Variants in HMHB1 observed in about 807,000 individuals in gnomAD.
HMHB1 encodes the protein minor histocompatibility protein HB-1.
A neutral mutation model predicts 2.4 loss-of-function variants in HMHB1; 4 were observed. The ratio of observed to expected loss-of-function variants is 1.65; its 90% confidence interval spans 0.81 to 3.77. The LOEUF is 3.77. HMHB1 is among the 30% of genes most tolerant of loss of function. HMHB1 has a pLI of 0.01. For synonymous variants in HMHB1, 22 were observed against 17.6 expected (o/e 1.25, Z -0.63); for missense variants, 57 against 44.2 (o/e 1.29, Z -0.82).
rs73291482 is a variant in HMHB1, at chr5:143,818,966, G to A, written c.38-1514G>A. ...GACCTCAAAGTCAACAACTCAGCCA[G>A]GCTTTAGGAAATCACCTGAACTAGA... On this transcript the variant is annotated intron_variant, in intron 1 of 1. Coordinates refer to ENST00000289448, the MANE Select transcript of HMHB1 (RefSeq NM_021182.3). 2.1e-3 allele frequency among the ~76,000 whole-genome samples: 320 copies of A among 152,236 alleles called. 5 individuals are homozygous for A. Among genetic ancestry groups the A allele is most frequent in the African/African-American group, 7.3e-3 (303 of 41,530 alleles).
chr5:143,812,888 C>A (rs147663089), intron 1 of HMHB1, among the ~76,000 whole-genome samples: 1 of 152,330 alleles, frequency 6.6e-6, no homozygotes, highest in East Asian at 1.9e-4. Context: ...ACGATGGCTT[C>A]ATTCCTTAAC....
chr5:143,820,334 A>AAAAAAAAAAAAAAAAAAAAC, intron 1 of HMHB1, 146 bp from the exon 2 acceptor site: 1 of 331,898 alleles, frequency 3.0e-6, no homozygotes, highest in African/African-American at 2.7e-5. Context: ...AAAAAAAAAA[A>AAAAAAAAAAAAAAAAAAAAC]AAAAAAAAAA....
In HMHB1 at chr5:143,812,304, G is replaced by A. The variant is rs988565862; in HGVS notation, c.37G>A (p.Gly13Ser). 50 of 1,551,578 alleles carry A rather than the reference G, an allele frequency of 3.2e-5. No individual in the cohort carries two copies. Among genetic ancestry groups the A allele is most frequent in the African/African-American group, 4.1e-5 (3 of 73,016 alleles). Residue 13 changes from glycine to serine, a missense_variant and splice_region_variant, in exon 1 of 2, where the codon GGT (glycine) becomes AGT (serine). Gly to Ser is a moderately conservative substitution (Grantham distance 56). Transcript: ENST00000289448. Reference sequence around the variant, plus strand: ...GCCAGAATGCAGAGAAGAAAAAAGAGGTGAGGGAGCGAGGAGGAGGGAGAA... The same window carrying A: ...GCCAGAATGCAGAGAAGAAAAAAGAAGTGAGGGAGCGAGGAGGAGGGAGAA...
intron 1 of HMHB1, among the ~76,000 whole-genome samples, chr5:143,814,365 AG>A (rs1379083349): frequency 6.6e-6 from 1 of 152,244 alleles, no homozygotes; most frequent in Non-Finnish European, 1.5e-5. Context: ...TCTCGTCAAT[AG>A]AAAAAAATAT....
chr5:143,819,052 C>T (rs1187746390), intron 1 of HMHB1, among the ~76,000 whole-genome samples: 2 of 152,204 alleles, frequency 1.3e-5, no homozygotes, highest in South Asian at 2.1e-4. Flanking sequence ...TCTCTATATC[C>T]ATCCTCCAAC....
chr5:143,820,417 A>G (rs1759800698), intron 1 of HMHB1, 63 bp from the exon 2 acceptor site: 1 of 932,360 alleles, frequency 1.1e-6, no homozygotes, highest in Non-Finnish European at 1.7e-6. Context: ...TTATTAATCT[A>G]AATAGAAAAT....
At chr5:143,820,145 A>G (rs950159622) in intron 1 of HMHB1, among the ~76,000 whole-genome samples, 1 of 151,894 alleles carries the variant, frequency 6.6e-6, no homozygotes, top group African/African-American at 2.4e-5. Flanking sequence ...AGAAATTAGC[A>G]TGGTTCTTTA....
At chr5:143,820,114 T>C (rs1759791452) in intron 1 of HMHB1, among the ~76,000 whole-genome samples, 1 of 151,892 alleles carries the variant, frequency 6.6e-6, no homozygotes, top group Non-Finnish European at 1.5e-5. Flanking sequence ...GAGCTAATTA[T>C]AGAAAATAAG....
At chr5:143,812,363 G>A (rs1759702195) in intron 1 of HMHB1, 59 bp downstream of exon 1, 14 of 1,479,904 alleles carry the variant, frequency 9.5e-6, no homozygotes, top group Non-Finnish European at 1.8e-6. Context: ...CGAAGGGGCA[G>A]AGAAAATGAA....
intron 1 of HMHB1, among the ~76,000 whole-genome samples, 160 bp from the exon 2 acceptor site, chr5:143,820,318 TAA>T (rs60960654): frequency 6.0e-3 from 287 of 47,550 alleles, no homozygotes; most frequent in Non-Finnish European, 6.3e-3. Flanking sequence ...TCATCATAAG[TAA>T]AAAAAAAAAA....
intron 1 of HMHB1, among the ~76,000 whole-genome samples, chr5:143,815,521 T>G (rs1759737012): frequency 6.6e-6 from 1 of 151,386 alleles, no homozygotes; most frequent in South Asian, 2.1e-4. Context: ...TTCCTTGTAT[T>G]TTTTTCTTTT....
chr5:143,815,534 T>C (rs981094869), intron 1 of HMHB1, among the ~76,000 whole-genome samples: 2 of 151,852 alleles, frequency 1.3e-5, no homozygotes, highest in East Asian at 1.9e-4. Context: ...TTTCTTTTTT[T>C]TTTTTGAGAT....
At chr5:143,816,117 C>G (rs1177385798) in intron 1 of HMHB1, among the ~76,000 whole-genome samples, 3 of 152,210 alleles carry the variant, frequency 2.0e-5, no homozygotes, top group Non-Finnish European at 1.5e-5. Flanking sequence ...CATCTGCAAA[C>G]TTAATTATCC....
chr5:143,812,418 C>A, intron 1 of HMHB1, 114 bp downstream of exon 1: 1 of 988,496 alleles, frequency 1.0e-6, no homozygotes, highest in Non-Finnish European at 1.5e-6. Context: ...CAGGTGAAAA[C>A]AGGGATGGCG....
intron 1 of HMHB1, among the ~76,000 whole-genome samples, chr5:143,819,349 A>G (rs999128577): frequency 3.3e-5 from 5 of 152,218 alleles, no homozygotes; most frequent in African/African-American, 1.2e-4. Flanking sequence ...CTAAAAGTCT[A>G]CTACAATATC....
chr5:143,819,791 T>A (rs895974216), intron 1 of HMHB1, among the ~76,000 whole-genome samples: 1 of 152,190 alleles, frequency 6.6e-6, no homozygotes, highest in Non-Finnish European at 1.5e-5. Context: ...AAATTTTCTC[T>A]AGTCTCCTTT....
chr5:143,819,689 A>G (rs1759786821), intron 1 of HMHB1, among the ~76,000 whole-genome samples: 1 of 151,602 alleles, frequency 6.6e-6, no homozygotes, highest in South Asian at 2.1e-4. Flanking sequence ...GCAATACCCC[A>G]TGTCTCAGTG....
intron 1 of HMHB1, 143 bp from the exon 2 acceptor site, chr5:143,820,337 A>AAC: frequency 2.9e-6 from 1 of 343,778 alleles, no homozygotes; most frequent in African/African-American, 2.3e-5. Flanking sequence ...AAAAAAAAAA[A>AAC]AAAAAAAAAA....
At chr5:143,817,995 C>A (rs1366381210) in intron 1 of HMHB1, among the ~76,000 whole-genome samples, 1 of 151,992 alleles carries the variant, frequency 6.6e-6, no homozygotes, top group African/African-American at 2.4e-5. Context: ...CAGCAATATC[C>A]CCAAACTGAT....
Sources: allele counts gnomAD v4.1 joint callset (sites outside exome capture counted in the v4.1 genomes callset), GRCh38; gene constraint gnomAD v4.1.1; transcripts MANE v1.5; gene names NCBI Gene and HGNC (gene_info 2026-07-23, HGNC 2026-07-21).